The following USP50 variants were observed in gnomAD, a reference collection of about 807,000 sequenced individuals.
USP50 encodes the protein ubiquitin carboxyl-terminal hydrolase 50.
A neutral mutation model predicts 39.2 loss-of-function variants in USP50; 37 were observed. That is an observed-to-expected ratio of 0.94 (90% CI 0.73 to 1.24). USP50 has a LOEUF of 1.24. USP50 is among the 50% of genes most tolerant of loss of function. The pLI, the probability that USP50 is intolerant of heterozygous loss-of-function variation, is 0.00. For missense variants in USP50, 374 were observed against 398.2 expected, an observed-to-expected ratio of 0.94 and a Z score of 0.52; for synonymous variants, 139 against 144.5, an observed-to-expected ratio of 0.96 and a Z score of 0.27.
chr15:50,528,162 C>T (rs1215422216), intron 6 of USP50, among the ~76,000 whole-genome samples: 3 of 151,206 alleles, frequency 2.0e-5, no homozygotes, highest in Non-Finnish European at 4.4e-5. Context: ...CTATCTCAGC[C>T]TCCCAAAGTG....
intron 6 of USP50, among the ~76,000 whole-genome samples, chr15:50,518,971 A>C (rs542618868): frequency 8.5e-5 from 13 of 152,288 alleles, no homozygotes; most frequent in South Asian, 6.2e-4. Flanking sequence ...ACAACAACAA[A>C]AAAAGAAATA....
chr15:50,511,382 T>G (rs1340052628), intron 6 of USP50: 1 of 152,148 alleles, frequency 6.6e-6, no homozygotes, highest in East Asian at 1.9e-4. Context: ...CTCAAAAAAT[T>G]AACCAGAGTT....
intron 6 of USP50, among the ~76,000 whole-genome samples, chr15:50,528,191 GC>G (rs2141369831): frequency 6.6e-6 from 1 of 151,818 alleles, no homozygotes; most frequent in African/African-American, 2.4e-5. Flanking sequence ...ACAGGCGTGA[GC>G]CACTGCACCC....
exon 2 of USP50, chr15:50,494,048 G>A (rs2052281153): frequency 1.3e-6 from 2 of 1,593,156 alleles, no homozygotes; most frequent in Non-Finnish European, 8.5e-7. Flanking sequence ...ATTGTCTTTT[G>A]TAACAACTTT....
intron 3 of USP50, among the ~76,000 whole-genome samples, chr15:50,541,770 G>T (rs574776763): frequency 2.0e-4 from 31 of 152,008 alleles, no homozygotes; most frequent in Non-Finnish European, 3.1e-4. Context: ...AGTTTTTTCT[G>T]GAAGGGGGTA....
At chr15:50,519,857 AT>A (rs376378547) in intron 6 of USP50, among the ~76,000 whole-genome samples, 3 of 152,328 alleles carry the variant, frequency 2.0e-5, no homozygotes, top group African/African-American at 7.2e-5. Context: ...TACAACCGTT[AT>A]GGAAAACCAG....
At chr15:50,499,383 G>T, downstream of USP50, 1 of 205,160 alleles carries the variant, frequency 4.9e-6, no homozygotes, top group Non-Finnish European at 8.9e-6. Context: ...AAAAACTATT[G>T]TTATCTTTTT....
intron 2 of USP50, among the ~76,000 whole-genome samples, chr15:50,544,384 A>C (rs1196662447): frequency 1.3e-5 from 2 of 151,656 alleles, no homozygotes; most frequent in Admixed American, 1.3e-4. Flanking sequence ...AAAAAAAAAT[A>C]AAAAATAAAA....
intron 6 of USP50, among the ~76,000 whole-genome samples, chr15:50,520,064 G>A (rs563541257): frequency 1.3e-5 from 2 of 151,858 alleles, no homozygotes; most frequent in Non-Finnish European, 2.9e-5. Flanking sequence ...AACATTTTTG[G>A]AAGGTCAAGA....
chr15:50,519,087 G>C (rs1251957092), intron 6 of USP50, among the ~76,000 whole-genome samples: 1 of 151,694 alleles, frequency 6.6e-6, no homozygotes, highest in East Asian at 2.0e-4. Flanking sequence ...AGAAGTTTGA[G>C]ACTAGCCTGA....
At position 50,544,688 on chromosome 15, in the gene USP50, C is replaced by T. The variant is rs1483434019; in HGVS notation, c.147G>A (p.Leu49=). The T allele has an allele frequency of 5.0e-6, 8 of 1,613,916 alleles. No individual in the cohort carries two copies. The highest frequency in any genetic ancestry group is 6.8e-6 in the Non-Finnish European group (8 of 1,179,874). ...HFQGVTGLWN[L]GNTCCVNAIS... is the part of the protein sequence containing the mutation. ...TGGCATTCACGCAGCATGTGTTGCC[C>T]AAGTTCCACAAGCCAGTGACACCCT... The change falls in exon 2 of 7, where the codon TTG becomes TTA. Residue 49 remains leucine, a synonymous_variant. Transcript: ENST00000532404.
chr15:50,521,012 G>T (rs1182578562), intron 6 of USP50, among the ~76,000 whole-genome samples: 11 of 152,104 alleles, frequency 7.2e-5, no homozygotes, highest in Admixed American at 7.2e-4. Context: ...GGTTTGAGGT[G>T]ATGGAAACCT....
intron 1 of USP50, among the ~76,000 whole-genome samples, chr15:50,495,382 C>A (rs1453293018): frequency 6.6e-6 from 1 of 151,024 alleles, no homozygotes; most frequent in Non-Finnish European, 1.5e-5. Flanking sequence ...GCTAGGGCAA[C>A]AAAATTATAT....
chr15:50,503,982 T>C (rs1008228748), intron 6 of USP50: 1 of 152,150 alleles, frequency 6.6e-6, no homozygotes, highest in African/African-American at 2.4e-5. Flanking sequence ...AAACAAACTT[T>C]AGAAACTAAA....
intron 6 of USP50, chr15:50,503,581 G>C (rs182065058): frequency 6.6e-6 from 1 of 152,244 alleles, no homozygotes; most frequent in African/African-American, 2.4e-5. Flanking sequence ...TCTAGTGCTT[G>C]TGTTAGCTTG....
chr15:50,544,032 AAG>A (rs1233093182), intron 2 of USP50: 1 of 501,536 alleles, frequency 2.0e-6, no homozygotes, highest in Non-Finnish European at 3.6e-6. Context: ...GACTGTCTAA[AAG>A]AAAAAAAAGG....
intron 5 of USP50, among the ~76,000 whole-genome samples, chr15:50,538,350 G>A (rs371850198): frequency 2.8e-5 from 4 of 145,184 alleles, no homozygotes; most frequent in Admixed American, 1.4e-4. Flanking sequence ...TTTAAAATAC[G>A]CCAAAGACTT....
intron 6 of USP50, among the ~76,000 whole-genome samples, chr15:50,525,636 G>GTA (rs1459531143): frequency 3.2e-5 from 3 of 94,914 alleles, no homozygotes; most frequent in African/African-American, 4.5e-5. Flanking sequence ...ATGTATATAT[G>GTA]TATATGTGTA....
intron 5 of USP50, among the ~76,000 whole-genome samples, chr15:50,531,627 A>G (rs1265375453): frequency 1.3e-5 from 2 of 152,164 alleles, no homozygotes; most frequent in African/African-American, 4.8e-5. Context: ...GACTGCATGC[A>G]TTTGTCAGAG....
Sources: gnomAD v4.1 joint callset for allele counts (sites outside exome capture counted in the v4.1 genomes callset) on GRCh38, gnomAD v4.1.1 for gene constraint, MANE v1.5 for transcripts, NCBI Gene and HGNC (gene_info 2026-07-23, HGNC 2026-07-21) for gene names.